Variants in NTRK3 observed in about 807,000 individuals in gnomAD.
The protein encoded by NTRK3 is neurotrophic receptor tyrosine kinase 3.
NTRK3 carries 24 observed loss-of-function variants against 91.7 expected under a neutral mutation model. That is an observed-to-expected ratio of 0.26 (90% confidence interval 0.19 to 0.37). The LOEUF is 0.37. Among genes scored for constraint, NTRK3 ranks in the 10% least tolerant of loss-of-function variants. The probability of loss-of-function intolerance (pLI) is 1.00; values close to 1 mark genes in which losing one functional copy is unlikely to be tolerated. For synonymous variants in NTRK3, 483 were observed against 404.0 expected, an observed-to-expected ratio of 1.20 and a Z score of -2.34; for missense variants, 880 against 1,068.9, an observed-to-expected ratio of 0.82 and a Z score of 2.46.
chr15:87,877,101 T>G, exon 19 of NTRK3: 1 of 1,613,992 alleles, frequency 6.2e-7, no homozygotes, highest in Non-Finnish European at 8.5e-7. Flanking sequence ...AACACGACCT[T>G]GGGTAATGCA....
At chr15:87,891,789 C>T (rs1461000559) in intron 17 of NTRK3, among the ~76,000 whole-genome samples, 1 of 152,044 alleles carries the variant, frequency 6.6e-6, no homozygotes, top group Non-Finnish European at 1.5e-5. Context: ...TGGGGAAGTG[C>T]ACTTTTTATA....
intron 9 of NTRK3, 109 bp downstream of exon 9, chr15:88,135,790 G>A: frequency 6.9e-7 from 1 of 1,439,010 alleles, no homozygotes; most frequent in Non-Finnish European, 9.5e-7. Flanking sequence ...CCTACTGGTA[G>A]ATCAGCTCAC....
At chr15:88,178,562 A>G (rs1265985241) in intron 5 of NTRK3, among the ~76,000 whole-genome samples, 1 of 152,214 alleles carries the variant, frequency 6.6e-6, no homozygotes, top group Admixed American at 6.5e-5. Context: ...AGGAGAAATA[A>G]CTTAGTCCGG....
intron 14 of NTRK3, among the ~76,000 whole-genome samples, chr15:88,022,711 C>G (rs954178543): frequency 6.6e-6 from 1 of 152,310 alleles, no homozygotes; most frequent in Admixed American, 6.5e-5. Context: ...AATGACATTA[C>G]TCCAAGCTGG....
Position 88,237,129 on chromosome 15 carries a change from A to C in NTRK3, c.248+18777T>G, listed in dbSNP as rs1598112326. 6.6e-6 allele frequency among the ~76,000 whole-genome samples: 1 copy of C among 152,344 alleles called. No individual in the cohort carries two copies. The highest frequency in any genetic ancestry group is 1.9e-4 in the East Asian group (1 of 5,196). On this transcript the variant is annotated intron_variant, in intron 3 of 18. Coordinates refer to ENST00000394480, the Ensembl canonical transcript of NTRK3. The surrounding 1 kb of genome is among the most constrained non-coding windows in gnomAD (Gnocchi z 4.0). ...TTACTCTGAAATGCATCAGAAAAAT[A>C]GGATGGGTTAAGGAGTGGATAGAGG...
intron 14 of NTRK3, among the ~76,000 whole-genome samples, chr15:87,966,074 TCAAACAAACAAA>T (rs3028147): frequency 3.0e-4 from 45 of 148,556 alleles, no homozygotes; most frequent in Non-Finnish European, 3.7e-4. Context: ...CAAAACTGTC[TCAAACAAACAAA>T]CAAACAAACA....
At chr15:88,182,332 G>T (rs1224720934) in intron 5 of NTRK3, among the ~76,000 whole-genome samples, 2 of 152,070 alleles carry the variant, frequency 1.3e-5, no homozygotes, top group Non-Finnish European at 2.9e-5. Context: ...CCTCCACCAG[G>T]ATTCACTGTG....
At chr15:88,184,896 A>C (rs1001453472) in intron 3 of NTRK3, among the ~76,000 whole-genome samples, 8 of 152,086 alleles carry the variant, frequency 5.3e-5, no homozygotes, top group Non-Finnish European at 8.8e-5. Flanking sequence ...GGTGGAGCTG[A>C]CTCCAGAGAG....
At chr15:88,152,477 A>T (rs1448117464) in intron 5 of NTRK3, among the ~76,000 whole-genome samples, 1 of 152,228 alleles carries the variant, frequency 6.6e-6, no homozygotes, top group African/African-American at 2.4e-5. Context: ...TAAAGAAAAG[A>T]TGTAAAGTCA....
chr15:87,954,105 C>CCT (rs1357762284), intron 14 of NTRK3, among the ~76,000 whole-genome samples: 8 of 149,532 alleles, frequency 5.4e-5, no homozygotes, highest in Non-Finnish European at 1.2e-4. Flanking sequence ...GCTCTGTGGG[C>CCT]AGATGTGAAT....
intron 5 of NTRK3, among the ~76,000 whole-genome samples, chr15:88,181,999 A>C (rs2046509081): frequency 6.6e-6 from 1 of 152,194 alleles, no homozygotes; most frequent in Non-Finnish European, 1.5e-5. Flanking sequence ...CATCTGGTCC[A>C]AGACCCTCCT....
At chr15:87,970,291 T>C (rs2141267106) in intron 14 of NTRK3, among the ~76,000 whole-genome samples, 1 of 152,308 alleles carries the variant, frequency 6.6e-6, no homozygotes, top group Non-Finnish European at 1.5e-5. Context: ...GACTTACCAT[T>C]TTCTTCTGAG....
chr15:87,860,476 G>C (rs993462095), exon 19 of NTRK3: 5 of 164,800 alleles, frequency 3.0e-5, no homozygotes, highest in African/African-American at 1.0e-4. Context: ...TATCAAGTTA[G>C]AATTTTTTTT....
chr15:87,931,207 T>C (rs754891417), intron 16 of NTRK3: 1 of 518,328 alleles, frequency 1.9e-6, no homozygotes, highest in Non-Finnish European at 3.9e-6. Context: ...TCTTTAACCC[T>C]GCTGGTGGCT....
rs143109412 is a variant in NTRK3 at position 87,958,939 on chromosome 15, C to T, written c.1586-18186G>A. On this transcript the variant is annotated intron_variant, in intron 14 of 18. Coordinates refer to ENST00000394480, the Ensembl canonical transcript of NTRK3. Reference sequence around the variant, plus strand: ...GCCCAATGCACTCTATCATTGCTTACGGAAATTGATTCTGCCTAGCCCTCT... The same window carrying T: ...GCCCAATGCACTCTATCATTGCTTATGGAAATTGATTCTGCCTAGCCCTCT... 2.8e-4 allele frequency among the ~76,000 whole-genome samples: 43 copies of T among 152,224 alleles called. 1 individual carries two copies. In the East Asian group the frequency reaches 6.0e-3, roughly 21 times the overall value.
intron 13 of NTRK3, among the ~76,000 whole-genome samples, chr15:88,060,972 T>C (rs2142472883): frequency 6.6e-6 from 1 of 152,282 alleles, no homozygotes; most frequent in African/African-American, 2.4e-5. Flanking sequence ...CTTTCCCTTT[T>C]TTTTTCAACT....
chr15:88,202,348 A>G (rs1405361921), intron 3 of NTRK3, among the ~76,000 whole-genome samples: 3 of 152,132 alleles, frequency 2.0e-5, no homozygotes, highest in Non-Finnish European at 4.4e-5. Flanking sequence ...TCAATCATTC[A>G]TCTCCACATT....
At chr15:87,990,321 C>T (rs1284981939) in intron 14 of NTRK3, among the ~76,000 whole-genome samples, 5 of 152,184 alleles carry the variant, frequency 3.3e-5, no homozygotes, top group East Asian at 1.9e-4. Context: ...AGCTCTGATC[C>T]TCTGACAATG....
At chr15:87,882,035 A>G (rs1451586294) in intron 17 of NTRK3, among the ~76,000 whole-genome samples, 1 of 151,980 alleles carries the variant, frequency 6.6e-6, no homozygotes, top group Admixed American at 6.6e-5. Flanking sequence ...AGCTGGGATT[A>G]TAGGCATGAA....
Sources: allele counts gnomAD v4.1 joint callset (sites outside exome capture counted in the v4.1 genomes callset), GRCh38; gene constraint gnomAD v4.1.1; non-coding constraint Gnocchi (gnomAD v3.1); transcripts MANE v1.5; gene names NCBI Gene and HGNC (gene_info 2026-07-23, HGNC 2026-07-21).